BACH2: variants seen among roughly 807,000 people sequenced by gnomAD.
The protein encoded by BACH2 is transcription regulator protein BACH2.
In BACH2, 5 loss-of-function variants were observed where a neutral mutation model predicts 61.8. That is an observed-to-expected ratio of 0.08 (90% CI 0.04 to 0.17). The LOEUF is 0.17. Ranked by LOEUF, BACH2 falls within the 10% of genes least tolerant of loss-of-function variation. The pLI is 1.00. For synonymous variants in BACH2, 446 were observed against 440.1 expected, an observed-to-expected ratio of 1.01 and a Z score of -0.17; for missense variants, 824 against 1,091.1, an observed-to-expected ratio of 0.76 and a Z score of 3.45.
intron 6 of BACH2, among the ~76,000 whole-genome samples, chr6:89,999,266 A>G (rs892615449): frequency 6.6e-6 from 1 of 152,214 alleles, no homozygotes; most frequent in African/African-American, 2.4e-5. Flanking sequence ...CAGGAAACCT[A>G]TTCTAAGAAG....
intron 1 of BACH2, among the ~76,000 whole-genome samples, chr6:90,296,181 A>C (rs1772372093): frequency 1.3e-5 from 2 of 151,858 alleles, no homozygotes; most frequent in East Asian, 1.9e-4. Context: ...CTGTTCCAAA[A>C]CACCCTTCGA....
intron 1 of BACH2, among the ~76,000 whole-genome samples, chr6:90,286,881 G>T (rs748791045): frequency 2.0e-5 from 3 of 152,186 alleles, no homozygotes; most frequent in Non-Finnish European, 4.4e-5. Context: ...CAAAGAGGGG[G>T]TACTAGAGAG....
intron 7 of BACH2, among the ~76,000 whole-genome samples, chr6:89,944,552 T>C (rs1351425395): frequency 6.6e-6 from 1 of 152,178 alleles, no homozygotes; most frequent in African/African-American, 2.4e-5. Context: ...ACCACAAAAA[T>C]GATTGTGAAA....
intron 3 of BACH2, among the ~76,000 whole-genome samples, chr6:90,229,296 T>C (rs776364196): frequency 4.6e-5 from 7 of 152,098 alleles, no homozygotes; most frequent in Non-Finnish European, 8.8e-5. Flanking sequence ...CCGTCTATAC[T>C]AAAAATACAA....
chr6:89,985,338 G>A (rs1776181006), intron 6 of BACH2, among the ~76,000 whole-genome samples: 1 of 152,198 alleles, frequency 6.6e-6, no homozygotes, highest in African/African-American at 2.4e-5. Context: ...GTGGGAGTCT[G>A]GGTTTTGTGG....
chr6:89,958,533 A>G (rs991225811), intron 6 of BACH2, among the ~76,000 whole-genome samples: 4 of 152,242 alleles, frequency 2.6e-5, no homozygotes, highest in Admixed American at 1.3e-4. Flanking sequence ...AGTAACAACC[A>G]GTATTATTGC....
At chr6:90,047,316 T>C (rs1251046209) in intron 5 of BACH2, among the ~76,000 whole-genome samples, 1 of 152,194 alleles carries the variant, frequency 6.6e-6, no homozygotes. Flanking sequence ...ATAATGTAAC[T>C]GTTCTGTGCT....
At chr6:90,100,708 CACACACACACACACACACAG>C (rs1713713633) in intron 4 of BACH2, among the ~76,000 whole-genome samples, 2 of 143,306 alleles carry the variant, frequency 1.4e-5, no homozygotes, top group Admixed American at 6.9e-5. Context: ...CACAGACACA[CACACACACACACACACACAG>C]ACACACACAC....
intron 7 of BACH2, among the ~76,000 whole-genome samples, chr6:89,947,688 CCT>C (rs1170760067): frequency 6.6e-6 from 1 of 151,970 alleles, no homozygotes; most frequent in African/African-American, 2.4e-5. Flanking sequence ...GCCTCAGCCT[CCT>C]GAGTAGCTGG....
At chr6:90,264,953 A>G (rs1415822208) in intron 2 of BACH2, among the ~76,000 whole-genome samples, 1 of 152,244 alleles carries the variant, frequency 6.6e-6, no homozygotes, top group East Asian at 1.9e-4. Context: ...TATTCTTAAA[A>G]GGCTTTCAAA....
At chr6:90,203,576 C>A (rs989090731) in intron 4 of BACH2, among the ~76,000 whole-genome samples, 2 of 152,008 alleles carry the variant, frequency 1.3e-5, no homozygotes, top group African/African-American at 4.8e-5. Flanking sequence ...CCCACAATTT[C>A]TTTAACATGT....
intron 4 of BACH2, among the ~76,000 whole-genome samples, chr6:90,096,060 A>G (rs1356701691): frequency 1.3e-5 from 2 of 152,204 alleles, no homozygotes; most frequent in African/African-American, 4.8e-5. Context: ...CGAAGGAAAC[A>G]TGACCACTTT....
intron 5 of BACH2, among the ~76,000 whole-genome samples, chr6:90,054,719 C>A (rs1275484834): frequency 1.3e-5 from 2 of 152,188 alleles, no homozygotes; most frequent in Non-Finnish European, 2.9e-5. Flanking sequence ...TGGGAGGCAC[C>A]CCCCAGTAGA....
chr6:90,207,867 T>C (rs1249715196), intron 3 of BACH2, among the ~76,000 whole-genome samples: 1 of 152,190 alleles, frequency 6.6e-6, no homozygotes, highest in East Asian at 1.9e-4. Context: ...GTATTCCCCA[T>C]ATTAACATCT....
intron 4 of BACH2, among the ~76,000 whole-genome samples, chr6:90,158,868 A>T (rs1319628743): frequency 6.6e-6 from 1 of 152,156 alleles, no homozygotes; most frequent in Non-Finnish European, 1.5e-5. Context: ...CTTCAGAAAT[A>T]AACAACACTG....
chr6:90,157,239 T>C (rs1396817137), intron 4 of BACH2, among the ~76,000 whole-genome samples: 1 of 152,228 alleles, frequency 6.6e-6, no homozygotes, highest in Non-Finnish European at 1.5e-5. Flanking sequence ...ATATGAGTTA[T>C]TTGGGATTTA....
chr6:89,956,398 A>G (rs1774429920), intron 6 of BACH2, among the ~76,000 whole-genome samples: 1 of 152,178 alleles, frequency 6.6e-6, no homozygotes. Context: ...AGTTGGTTCA[A>G]CCCTGAAAGA....
chr6:90,228,857 A>T (rs1770000136), intron 3 of BACH2, among the ~76,000 whole-genome samples: 1 of 152,258 alleles, frequency 6.6e-6, no homozygotes. Flanking sequence ...CGCCAATATC[A>T]CTGCATGAGC....
chr6:90,234,597 T>C (rs1053439261), intron 3 of BACH2, among the ~76,000 whole-genome samples: 9 of 152,188 alleles, frequency 5.9e-5, no homozygotes, highest in Non-Finnish European at 1.3e-4. Context: ...AAATTTTAGA[T>C]GAACTAAACT....
Sources: allele counts gnomAD v4.1 joint callset (sites outside exome capture counted in the v4.1 genomes callset), GRCh38; gene constraint gnomAD v4.1.1; transcripts MANE v1.5; gene names NCBI Gene and HGNC (gene_info 2026-07-23, HGNC 2026-07-21).